Variants in CFAP57 observed in about 807,000 individuals in gnomAD.
CFAP57 encodes cilia and flagella associated protein 57, also known as cilia- and flagella-associated protein 57.
CFAP57 carries 116 observed loss-of-function variants against 146.8 expected under a neutral mutation model. The observed-to-expected ratio is 0.79, with a 90% CI of 0.68 to 0.92. The LOEUF (loss-of-function observed/expected upper bound fraction) is 0.92, where lower values mean the gene tolerates loss of function less well. CFAP57 is among the 40% of genes least tolerant of loss of function. The probability of loss-of-function intolerance (pLI) is 0.00; values close to 1 mark genes in which losing one functional copy is unlikely to be tolerated. For synonymous variants in CFAP57, 518 were observed against 552.8 expected, an observed-to-expected ratio of 0.94 and a Z score of 0.88; for missense variants, 1,377 against 1,527.2, an observed-to-expected ratio of 0.90 and a Z score of 1.64.
chr1:43,176,424 G>A (rs1458342214), intron 2 of CFAP57, among the ~76,000 whole-genome samples: 5 of 152,224 alleles, frequency 3.3e-5, no homozygotes, highest in Admixed American at 6.5e-5. Flanking sequence ...TAAAGGTCAT[G>A]ACATTGGGAG....
Position 43,172,740 on chromosome 1 carries a change from T to C in CFAP57, c.-14T>C. ...GCTGCCTTGGTCTTCAGCAGAACTG[T>C]TTGGCGGGAGATCATGTCAGCCGTG... On this transcript the variant is annotated 5_prime_UTR_variant, in exon 2 of 23. Coordinates refer to ENST00000372492, the MANE Select transcript of CFAP57 (RefSeq NM_001378189.1). The C allele has an allele frequency of 6.2e-7, 1 of 1,613,924 alleles. No individual in the cohort carries two copies.
intron 18 of CFAP57, among the ~76,000 whole-genome samples, chr1:43,231,060 T>C (rs2124604098): frequency 6.6e-6 from 1 of 152,334 alleles, no homozygotes; most frequent in Admixed American, 6.5e-5. Context: ...TCAGGCTCTT[T>C]TCGTGTCCCT....
chr1:43,188,889 T>A (rs1479414308), intron 6 of CFAP57, among the ~76,000 whole-genome samples: 2 of 152,248 alleles, frequency 1.3e-5, no homozygotes, highest in African/African-American at 4.8e-5. Context: ...TAGTGCTAGC[T>A]CTTACATCTA....
In CFAP57 at chr1:43,238,319, G is replaced by A. The variant is rs1043785625; in HGVS notation, c.3405+3681G>A. Among the ~76,000 whole-genome samples, 2 of 152,224 alleles carry A rather than the reference G, an allele frequency of 1.3e-5. No homozygotes were observed. Among genetic ancestry groups the A allele is most frequent in the Non-Finnish European group, 2.9e-5 (2 of 68,048 alleles). On this transcript the variant is annotated intron_variant, in intron 21 of 22. Transcript: ENST00000372492. The surrounding 1 kb of genome is among the most constrained non-coding windows in gnomAD (Gnocchi z 4.3). ...TTCCCTTCTCTTCTCTGCTCAATAC[G>A]GAGGTCGGAAAGACCTGCCAGGGTC...
chr1:43,227,828 T>C (rs1645311552), intron 18 of CFAP57, among the ~76,000 whole-genome samples: 2 of 152,120 alleles, frequency 1.3e-5, no homozygotes, highest in East Asian at 1.9e-4. Context: ...CTCTCCCCCT[T>C]CCTCCAGTTT....
At position 43,243,209 on chromosome 1, in the gene CFAP57, C is replaced by T. The variant is rs1186439234; in HGVS notation, c.3406-18C>T. 4 of 1,549,144 alleles carry T rather than the reference C, an allele frequency of 2.6e-6. No individual in the cohort carries two copies. The African/African-American group carries it at 4.1e-5, about 16-fold the overall frequency. On this transcript the variant is annotated intron_variant, in intron 21 of 22. Transcript: ENST00000372492. ...ACTCATCCATCCACCCTCCCTCTCTCTTCCCCCTTTTCTGCAGGAAAATGT... is the reference window on the plus strand; with the variant it reads ...ACTCATCCATCCACCCTCCCTCTCTTTTCCCCCTTTTCTGCAGGAAAATGT...
At chr1:43,242,812 T>C (rs1249361910) in intron 21 of CFAP57, among the ~76,000 whole-genome samples, 2 of 152,124 alleles carry the variant, frequency 1.3e-5, no homozygotes, top group East Asian at 3.8e-4. Flanking sequence ...AAATTGTGAT[T>C]ATAATAACAA....
Position 43,186,765 on chromosome 1 carries a change from G to A in CFAP57, c.1028G>A (p.Cys343Tyr). ...PSQSDKQDVLCLCFSPSEETL... is the reference protein window; with the variant it reads ...PSQSDKQDVLYLCFSPSEETL... ...CAGTCTGACAAACAGGACGTTCTCT[G>A]CCTGTGCTTCAGCCCCTCAGAGGAA... The change falls in exon 6 of 23, where the codon TGC becomes TAC. Residue 343 changes from cysteine (C) to tyrosine (Y), a missense_variant. Transcript: ENST00000372492. 1 of 1,614,156 alleles carries A rather than the reference G, an allele frequency of 6.2e-7. No individual in the cohort carries two copies. The highest frequency in any genetic ancestry group is 8.5e-7 in the Non-Finnish European group (1 of 1,180,032).
At chr1:43,208,313 G>A (rs1489004126) in intron 10 of CFAP57, among the ~76,000 whole-genome samples, 1 of 152,084 alleles carries the variant, frequency 6.6e-6, no homozygotes, top group Admixed American at 6.5e-5. Context: ...TATACCCAAA[G>A]GATTATAAAT....
rs577402941 is a variant in CFAP57, at chr1:43,190,419, C to T, written c.1122+3560C>T. ...CCGAGTAGCTGGAGCTACAGGCGCC[C>T]GCCACCATGCCCAGCTAATTTTTTG... On this transcript the variant is annotated intron_variant, in intron 6 of 22. Coordinates refer to ENST00000372492, the MANE Select transcript of CFAP57 (RefSeq NM_001378189.1). 5.9e-4 allele frequency among the ~76,000 whole-genome samples: 89 copies of T among 152,064 alleles called. 1 individual carries two copies. The highest frequency in any genetic ancestry group is 3.4e-3 in the Middle Eastern group (1 of 294).
chr1:43,178,130 A>T (rs1483805343), intron 2 of CFAP57, among the ~76,000 whole-genome samples: 1 of 152,232 alleles, frequency 6.6e-6, no homozygotes, highest in African/African-American at 2.4e-5. Context: ...CTTATACAAA[A>T]ATTAATTCAA....
At chr1:43,234,810 G>A (rs142685368) in intron 21 of CFAP57, among the ~76,000 whole-genome samples, 172 bp downstream of exon 21, 1 of 152,104 alleles carries the variant, frequency 6.6e-6, no homozygotes, top group Non-Finnish European at 1.5e-5. Context: ...CGTCTTGGCT[G>A]TGACTGTGGC....
At position 43,240,733 on chromosome 1, in the gene CFAP57, G is replaced by A. The variant is rs182406000; in HGVS notation, c.3406-2494G>A. Among the ~76,000 whole-genome samples, 211 of 152,284 alleles carry A rather than the reference G, an allele frequency of 1.4e-3. 2 individuals are homozygous for A. Among genetic ancestry groups the A allele is most frequent in the Non-Finnish European group, 2.6e-4 (18 of 68,028 alleles). ...TATTTGGCTCACAGTTCTGAGGGCT[G>A]TACAGGAAGCATGGCACCAGCATTG... On this transcript the variant is annotated intron_variant, in intron 21 of 22. Coordinates refer to ENST00000372492, the MANE Select transcript of CFAP57 (RefSeq NM_001378189.1).
At position 43,219,382 on chromosome 1, in the gene CFAP57, G is replaced by A. The variant is rs949435834; in HGVS notation, c.2092G>A (p.Ala698Thr). ...LVTKTDMEEK[A>T]QVMLELKTRV... ...TGATCCTTCTGTCCTTCTCCCAAAG[G>A]CTCAGGTTATGTTGGAGCTAAAGAC... Residue 698 changes from alanine to threonine, a missense_variant and splice_region_variant, in exon 13 of 23, where the codon GCT becomes ACT. Ala to Thr is a moderately conservative substitution (Grantham distance 58, BLOSUM62 0). Transcript: ENST00000372492. 4 of 1,548,990 alleles carry A rather than the reference G, an allele frequency of 2.6e-6. No individual in the cohort carries two copies. In the Admixed American group the frequency reaches 5.9e-5, roughly 23 times the overall value.
At chr1:43,176,355 G>A (rs979177057) in intron 2 of CFAP57, among the ~76,000 whole-genome samples, 2 of 152,164 alleles carry the variant, frequency 1.3e-5, no homozygotes, top group Non-Finnish European at 2.9e-5. Context: ...AAAATTTGAG[G>A]CCCAAGGGAG....
chr1:43,242,097 C>T (rs548541341), intron 21 of CFAP57, among the ~76,000 whole-genome samples: 1 of 152,188 alleles, frequency 6.6e-6, no homozygotes, highest in Non-Finnish European at 1.5e-5. Context: ...AGGTCTCCCC[C>T]ACCCCCATCA....
At chr1:43,224,445 A>T (rs80326353) in intron 17 of CFAP57, among the ~76,000 whole-genome samples, 6,930 of 152,320 alleles carry the variant, frequency 0.045, 239 homozygotes, top group African/African-American at 0.099. Flanking sequence ...TGGTTCGGGA[A>T]GCTGAACTCC....
chr1:43,234,499 A>G lies in CFAP57; in HGVS notation c.3266A>G (p.Glu1089Gly), dbSNP rs1158458753. Residue 1089 changes from glutamate to glycine, a missense_variant, in exon 21 of 23, where the codon GAG (glutamate) becomes GGG (glycine). Transcript: ENST00000372492. ...EKYVQRADMV[E>G]IAGLNTDLQQ... Reference sequence around the variant, plus strand: ...GAATCTCCTGGGCCCCGTCAGGTGGAGATCGCAGGGCTGAACACAGACCTG... The same window carrying G: ...GAATCTCCTGGGCCCCGTCAGGTGGGGATCGCAGGGCTGAACACAGACCTG... The G allele has an allele frequency of 1.3e-6, 2 of 1,548,248 alleles. No individual in the cohort carries two copies. Among genetic ancestry groups the G allele is most frequent in the African/African-American group, 2.7e-5 (2 of 72,968 alleles).
intron 17 of CFAP57, among the ~76,000 whole-genome samples, chr1:43,224,988 A>G (rs1645190734): frequency 6.6e-6 from 1 of 152,234 alleles, no homozygotes; most frequent in Non-Finnish European, 1.5e-5. Flanking sequence ...AGGATCACAT[A>G]GGATCATGGG....
Sources: gnomAD v4.1 joint callset for allele counts (sites outside exome capture counted in the v4.1 genomes callset) on GRCh38, gnomAD v4.1.1 for gene constraint, Gnocchi (gnomAD v3.1) non-coding constraint, MANE v1.5 for transcripts, NCBI Gene and HGNC (gene_info 2026-07-23, HGNC 2026-07-21) for gene names.